The following NT5DC3 variants were observed in gnomAD, a reference collection of about 807,000 sequenced individuals.
NT5DC3 encodes 5'-nucleotidase domain containing 3.
A neutral mutation model predicts 67.8 loss-of-function variants in NT5DC3; 42 were observed. The observed-to-expected ratio is 0.62, with a 90% CI of 0.48 to 0.80. The LOEUF is 0.80. Ranked by LOEUF, NT5DC3 falls within the 30% of genes least tolerant of loss-of-function variation. NT5DC3 has a pLI of 0.00. For synonymous variants in NT5DC3, 237 were observed against 255.6 expected (o/e 0.93, Z 0.69); for missense variants, 570 against 696.4 (o/e 0.82, Z 2.04).
the NT5DC3 span, among the ~76,000 whole-genome samples, chr12:103,748,654 ACACACT>A: frequency 7.5e-6 from 1 of 133,160 alleles, no homozygotes; most frequent in Non-Finnish European, 1.6e-5. Context: ...ACACACACAC[ACACACT>A]GTCCTAACAT....
chr12:103,747,487 A>G, the NT5DC3 span, among the ~76,000 whole-genome samples: 3 of 152,108 alleles, frequency 2.0e-5, no homozygotes, highest in Non-Finnish European at 4.4e-5. Flanking sequence ...GGCCAATACC[A>G]TAAGCCCAGC....
At chr12:103,757,549 G>T in the NT5DC3 span, among the ~76,000 whole-genome samples, 1 of 152,240 alleles carries the variant, frequency 6.6e-6, no homozygotes, top group African/African-American at 2.4e-5. Context: ...GCACCCCAGG[G>T]TCCCCCTTCT....
the NT5DC3 span, among the ~76,000 whole-genome samples, chr12:103,757,457 T>C: frequency 6.6e-6 from 1 of 152,226 alleles, no homozygotes; most frequent in South Asian, 2.1e-4. Flanking sequence ...AAACAATAAA[T>C]GGAACAAACA....
chr12:103,786,675 GGTTT>G (rs1002125947), intron 11 of NT5DC3, among the ~76,000 whole-genome samples: 1 of 127,612 alleles, frequency 7.8e-6, no homozygotes, highest in African/African-American at 2.9e-5. Context: ...CTTCCTCACT[GGTTT>G]GATTTTTTTT....
the NT5DC3 span, among the ~76,000 whole-genome samples, chr12:103,756,291 T>A: frequency 6.6e-6 from 1 of 152,220 alleles, no homozygotes; most frequent in Non-Finnish European, 1.5e-5. Context: ...TGCTGACTGA[T>A]CAAAGAACTG....
intron 10 of NT5DC3, among the ~76,000 whole-genome samples, chr12:103,788,390 G>A (rs1885888658): frequency 6.6e-6 from 1 of 152,248 alleles, no homozygotes; most frequent in Non-Finnish European, 1.5e-5. Context: ...AGGCTATAGT[G>A]AATCATGTTC....
intron 1 of NT5DC3, among the ~76,000 whole-genome samples, chr12:103,826,933 G>A (rs1199934687): frequency 6.6e-6 from 1 of 152,182 alleles, no homozygotes; most frequent in Non-Finnish European, 1.5e-5. Flanking sequence ...TAACAGACTG[G>A]TATTTTAAAT....
chr12:103,807,216 C>T (rs1391723304), intron 2 of NT5DC3, among the ~76,000 whole-genome samples: 1 of 152,202 alleles, frequency 6.6e-6, no homozygotes, highest in Non-Finnish European at 1.5e-5. Flanking sequence ...CTCTCTTTCC[C>T]TCCCCTACCT....
chr12:103,840,801 C>T (rs1888385571), intron 1 of NT5DC3, 148 bp downstream of exon 1: 1 of 393,066 alleles, frequency 2.5e-6, no homozygotes, highest in Admixed American at 4.5e-5. Flanking sequence ...GCGATGCTGC[C>T]TGCGGCTGGG....
At chr12:103,749,209 C>T in the NT5DC3 span, 1 of 1,525,654 alleles carries the variant, frequency 6.6e-7, no homozygotes, top group Non-Finnish European at 8.8e-7. Flanking sequence ...GGCTTCGCTC[C>T]TCCTTGCCTT....
At chr12:103,832,075 C>T (rs1887956071) in intron 1 of NT5DC3, among the ~76,000 whole-genome samples, 1 of 152,116 alleles carries the variant, frequency 6.6e-6, no homozygotes, top group African/African-American at 2.4e-5. Flanking sequence ...CCACGCCTGG[C>T]CTCGGCTTCC....
chr12:103,768,488 T>G, downstream of NT5DC3, among the ~76,000 whole-genome samples: 1 of 88,522 alleles, frequency 1.1e-5, no homozygotes, highest in South Asian at 4.4e-4. Context: ...TCATACAAAC[T>G]TGGGGTAGGG....
At chr12:103,817,214 T>C (rs116878472) in intron 1 of NT5DC3, among the ~76,000 whole-genome samples, 2,880 of 152,206 alleles carry the variant, frequency 0.019, 43 homozygotes, top group Non-Finnish European at 0.026. Flanking sequence ...CTAGATGAAA[T>C]TCAGGATCAA....
At chr12:103,746,575 A>G in the NT5DC3 span, 2 of 1,611,674 alleles carry the variant, frequency 1.2e-6, no homozygotes, top group Non-Finnish European at 1.7e-6. Flanking sequence ...GTACAGAATG[A>G]AAGTGGCCCC....
chr12:103,806,794 A>T, intron 3 of NT5DC3, 61 bp downstream of exon 3: 1 of 1,088,988 alleles, frequency 9.2e-7, no homozygotes, highest in Non-Finnish European at 1.4e-6. Context: ...GAAAAGTACC[A>T]ACAGTACATT....
chr12:103,768,088 A>T (rs1200118002), downstream of NT5DC3, among the ~76,000 whole-genome samples: 3 of 14,100 alleles, frequency 2.1e-4, no homozygotes, highest in Admixed American at 3.2e-3. Context: ...ACTCCTTCTC[A>T]AAAAAAAAAA....
At chr12:103,839,182 G>A (rs1467334535) in intron 1 of NT5DC3, among the ~76,000 whole-genome samples, 1 of 152,206 alleles carries the variant, frequency 6.6e-6, no homozygotes, top group East Asian at 1.9e-4. Context: ...ATGTACTACT[G>A]TTCTGCAAAA....
At chr12:103,803,859 A>C (rs59902880) in intron 4 of NT5DC3, among the ~76,000 whole-genome samples, 738 of 139,568 alleles carry the variant, frequency 5.3e-3, no homozygotes, top group African/African-American at 8.3e-3. Context: ...ATTCATTACC[A>C]CCCCCCCCCC....
Position 103,777,923 on chromosome 12 carries a change from G to A in NT5DC3, c.1553C>T (p.Pro518Leu). ...LNYDVSHTFY[P>L]RRTPLQHELP... is the part of the protein sequence containing the mutation. Reference sequence around the variant, plus strand: ...TTCGTGCTGCAGTGGAGTCCTCCGGGGGTAGAAAGTGTGGCTGACGTCATA... The same window carrying A: ...TTCGTGCTGCAGTGGAGTCCTCCGGAGGTAGAAAGTGTGGCTGACGTCATA... Residue 518 changes from proline (P) to leucine (L), a missense_variant, in exon 14 of 14, where the codon CCC becomes CTC. By Grantham distance (98) the Pro-to-Leu change is moderately conservative. Around this residue, in one of 2 missense-constraint regions of NT5DC3, gnomAD observed 466 missense variants for 608.0 expected, o/e 0.77. Transcript: ENST00000392876. The A allele has an allele frequency of 6.2e-7, 1 of 1,614,194 alleles. No individual in the cohort carries two copies. The highest frequency in any genetic ancestry group is 8.5e-7 in the Non-Finnish European group (1 of 1,180,038).
Sources: gnomAD v4.1 joint callset for allele counts (sites outside exome capture counted in the v4.1 genomes callset) on GRCh38, gnomAD v4.1.1 for gene constraint, gnomAD v4.1.1 regional missense constraint, MANE v1.5 for transcripts, NCBI Gene and HGNC (gene_info 2026-07-23, HGNC 2026-07-21) for gene names.